The following FBXO22 variants were observed in gnomAD, a reference collection of about 807,000 sequenced individuals.
FBXO22 encodes the protein F-box only protein 22.
FBXO22 carries 13 observed loss-of-function variants against 37.2 expected under a neutral mutation model. That is an observed-to-expected ratio of 0.35 (90% CI 0.23 to 0.56). FBXO22 has a LOEUF of 0.56. Ranked by LOEUF, FBXO22 falls within the 20% of genes least tolerant of loss-of-function variation. The probability of loss-of-function intolerance (pLI) is 0.87; values close to 1 mark genes in which losing one functional copy is unlikely to be tolerated. For missense variants in FBXO22, 446 were observed against 509.9 expected (o/e 0.87, Z 1.21); for synonymous variants, 189 against 189.1 (o/e 1.00, Z 0.00).
chr15:75,930,771 A>T (rs997548063), intron 6 of FBXO22: 1 of 985,282 alleles, frequency 1.0e-6, no homozygotes, highest in Non-Finnish European at 1.2e-6. Context: ...ATCAGACCCT[A>T]CCCCACCCTC....
chr15:75,914,956 A>C (rs1271717888), intron 4 of FBXO22, among the ~76,000 whole-genome samples: 1 of 152,160 alleles, frequency 6.6e-6, no homozygotes, highest in East Asian at 1.9e-4. Context: ...CAGTAAGTAA[A>C]TGTTAGCTGT....
chr15:75,909,361 T>C (rs755437566), intron 2 of FBXO22, among the ~76,000 whole-genome samples: 1 of 152,132 alleles, frequency 6.6e-6, no homozygotes, highest in Non-Finnish European at 1.5e-5. Context: ...ATAGAACATA[T>C]GGGGAAGTCG....
At chr15:75,932,659 T>TA (rs1224154780) in intron 6 of FBXO22, 26 bp from the exon 7 acceptor site, 1 of 1,549,174 alleles carries the variant, frequency 6.5e-7, no homozygotes, top group African/African-American at 1.4e-5. Flanking sequence ...TTTCATGAGA[T>TA]ATTGCCACTT....
rs953876789 is a variant in FBXO22, at chr15:75,904,558, T to G, written c.208T>G (p.Ser70Ala). 3.7e-6 allele frequency: 6 copies of G among 1,613,834 alleles called. No homozygotes were observed. The Middle Eastern group carries it at 8.3e-4, about 222-fold the overall frequency. ...LRTHRSVTWI[S>A]AGLAEAGHLE... ...GACCCATCGGAGCGTAACCTGGATC[T>G]CCGCAGGCCTGGCGGAGGCCGGCCA... The change falls in exon 2 of 7, where the codon TCC (serine) becomes GCC (alanine). Residue 70 changes from serine to alanine, a missense_variant. By Grantham distance (99) the Ser-to-Ala change is moderately conservative. Coordinates refer to ENST00000308275, the MANE Select transcript of FBXO22 (RefSeq NM_147188.3).
At chr15:75,924,041 A>G (rs1617498) in intron 5 of FBXO22, among the ~76,000 whole-genome samples, 149,735 of 152,304 alleles carry the variant, frequency 0.98, 73,655 homozygotes, top group East Asian at 1. Flanking sequence ...GCGGGTTGGA[A>G]GATCAGATTA....
At chr15:75,922,308 T>A (rs1300987488) in intron 5 of FBXO22, among the ~76,000 whole-genome samples, 3 of 152,234 alleles carry the variant, frequency 2.0e-5, no homozygotes, top group Admixed American at 2.0e-4. Context: ...TTGACCAAAG[T>A]GTTATGTGGT....
rs1336084156 is a variant in FBXO22 at position 75,934,513 on chromosome 15, G to A, written c.*1411G>A. ...AACCAAATGTATTAGCATTATTCCT[G>A]CTTTTCCTTTTTTGTCACTTTTATC... On this transcript the variant is annotated 3_prime_UTR_variant, in exon 7 of 7. Coordinates refer to ENST00000308275, the MANE Select transcript of FBXO22 (RefSeq NM_147188.3). 1.3e-5 allele frequency: 2 copies of A among 152,054 alleles called. No homozygotes were observed. Among genetic ancestry groups the A allele is most frequent in the Non-Finnish European group, 2.9e-5 (2 of 68,006 alleles). The allele number at this position is 152,054 out of a possible 1,614,324, so 9.4% of individuals were successfully genotyped here. A position where few individuals can be genotyped will look rare whatever the true frequency, so the allele number is the denominator to read the frequency against.
chr15:75,909,615 TG>T (rs1900006552), intron 2 of FBXO22, among the ~76,000 whole-genome samples: 1 of 152,068 alleles, frequency 6.6e-6, no homozygotes, highest in African/African-American at 2.4e-5. Flanking sequence ...ATTATGAAAA[TG>T]AACTTTTTGA....
chr15:75,908,520 G>A (rs1478659673), intron 2 of FBXO22, among the ~76,000 whole-genome samples: 1 of 152,092 alleles, frequency 6.6e-6, no homozygotes, highest in African/African-American at 2.4e-5. Flanking sequence ...TCCACCCACC[G>A]TGGCCTCCCA....
In FBXO22 at chr15:75,903,886, C is replaced by G. The variant is rs1169723421; in HGVS notation, c.-78C>G. On this transcript the variant is annotated 5_prime_UTR_variant, in exon 1 of 7. Coordinates refer to ENST00000308275, the MANE Select transcript of FBXO22 (RefSeq NM_147188.3). ...GGCGCGGACGCCTGCTCAGTGCGCG[C>G]CGGCCGGGCAACCCTATGCTGGCGT... is the stretch of plus-strand genomic sequence containing the variant. 5.3e-5 allele frequency: 74 copies of G among 1,395,952 alleles called. No homozygotes were observed. The highest frequency in any genetic ancestry group is 6.7e-5 in the Non-Finnish European group (72 of 1,073,834). 86.5% of individuals were successfully genotyped at this position (1,395,952 alleles called of 1,614,324 possible).
chr15:75,909,034 A>G (rs1036318082), intron 2 of FBXO22, among the ~76,000 whole-genome samples: 2 of 152,220 alleles, frequency 1.3e-5, no homozygotes, highest in African/African-American at 2.4e-5. Flanking sequence ...AGGCTTTGCT[A>G]TATCCTAAGT....
In FBXO22 at chr15:75,904,528, T is replaced by C; in HGVS notation, c.178T>C (p.Leu60=). Residue 60 remains leucine (L), a synonymous_variant, in exon 2 of 7, where the codon TTG becomes CTG. Coordinates refer to ENST00000308275, the MANE Select transcript of FBXO22 (RefSeq NM_147188.3). ...RLWRECVRRV[L]RTHRSVTWIS... is the part of the protein sequence containing the mutation. ...ATGGAGGGAGTGTGTGCGCAGAGTA[T>C]TGCGGACCCATCGGAGCGTAACCTG... The C allele has an allele frequency of 6.2e-7, 1 of 1,614,008 alleles. No homozygotes were observed. The highest frequency in any genetic ancestry group is 8.5e-7 in the Non-Finnish European group (1 of 1,179,922).
At position 75,930,346 on chromosome 15, in the gene FBXO22, A is replaced by T. The variant is rs572391924; in HGVS notation, c.794+297A>T. 113 of 1,286,236 alleles carry T rather than the reference A, an allele frequency of 8.8e-5. No homozygotes were observed. In the African/African-American group the frequency reaches 1.4e-3, roughly 16 times the overall value. The allele number at this position is 1,286,236 out of a possible 1,614,324, so 79.7% of individuals were successfully genotyped here. A position where few individuals can be genotyped will look rare whatever the true frequency, so the allele number is the denominator to read the frequency against. Reference sequence around the variant, plus strand: ...CAGATGTGGTACTCTGTGTGACCTCAATGTGTCACCTCCTTTCTAGTTTCC... The same window carrying T: ...CAGATGTGGTACTCTGTGTGACCTCTATGTGTCACCTCCTTTCTAGTTTCC... On this transcript the variant is annotated intron_variant, in intron 6 of 6. Coordinates refer to ENST00000308275, the MANE Select transcript of FBXO22 (RefSeq NM_147188.3).
intron 6 of FBXO22, among the ~76,000 whole-genome samples, chr15:75,932,209 T>A (rs1356637830): frequency 6.6e-6 from 1 of 152,140 alleles, no homozygotes; most frequent in Non-Finnish European, 1.5e-5. Context: ...GAACCCTATC[T>A]CTAAAAAAAT....
chr15:75,907,251 T>G (rs1344186058), intron 2 of FBXO22, among the ~76,000 whole-genome samples: 1 of 152,144 alleles, frequency 6.6e-6, no homozygotes, highest in Non-Finnish European at 1.5e-5. Flanking sequence ...TCAGGTGCTA[T>G]CTCCATAAAA....
chr15:75,909,362 G>A (rs899296606), intron 2 of FBXO22, among the ~76,000 whole-genome samples: 2 of 152,194 alleles, frequency 1.3e-5, no homozygotes, highest in African/African-American at 4.8e-5. Context: ...TAGAACATAT[G>A]GGGAAGTCGG....
At chr15:75,914,235 T>C in intron 4 of FBXO22, 30 bp downstream of exon 4, 2 of 1,502,902 alleles carry the variant, frequency 1.3e-6, no homozygotes, top group Non-Finnish European at 1.8e-6. Flanking sequence ...TGATGATTTC[T>C]TCCTTGCATT....
intron 2 of FBXO22, among the ~76,000 whole-genome samples, chr15:75,906,302 C>CT (rs1216649240): frequency 1.3e-5 from 2 of 152,100 alleles, no homozygotes; most frequent in Non-Finnish European, 2.9e-5. Flanking sequence ...TCTAGACTCT[C>CT]TAAGTGTACT....
rs534483899 is a variant in FBXO22 at position 75,931,719 on chromosome 15, T to G, written c.795-966T>G. Among the ~76,000 whole-genome samples, 11 of 152,338 alleles carry G rather than the reference T, an allele frequency of 7.2e-5. No individual in the cohort carries two copies. In the South Asian group the frequency reaches 2.3e-3, roughly 32 times the overall value. ...TCACTATATTATGCTTTATTACTTT[T>G]ATCAATGTTGTATTTTCTTTTGTAA... is the stretch of plus-strand genomic sequence containing the variant. On this transcript the variant is annotated intron_variant, in intron 6 of 6. Transcript: ENST00000308275.
Sources: gnomAD v4.1 joint callset for allele counts (sites outside exome capture counted in the v4.1 genomes callset) on GRCh38, gnomAD v4.1.1 for gene constraint, MANE v1.5 for transcripts, NCBI Gene and HGNC (gene_info 2026-07-23, HGNC 2026-07-21) for gene names.